The following SRRM1 variants were observed in gnomAD, a reference collection of about 807,000 sequenced individuals.
The protein encoded by SRRM1 is serine and arginine repetitive matrix 1, also known as serine/arginine repetitive matrix protein 1.
In SRRM1, 19 loss-of-function variants were observed where a neutral mutation model predicts 110.2. That is an observed-to-expected ratio of 0.17 (90% CI 0.12 to 0.25). The LOEUF is 0.25. Ranked by LOEUF, SRRM1 falls within the 10% of genes least tolerant of loss-of-function variation. The pLI is 1.00. For synonymous variants in SRRM1, 443 were observed against 414.9 expected, an observed-to-expected ratio of 1.07 and a Z score of -0.82; for missense variants, 918 against 1,145.8, an observed-to-expected ratio of 0.80 and a Z score of 2.87.
Position 24,655,264 on chromosome 1 carries a change from C to T in SRRM1, c.1315+135C>T, listed in dbSNP as rs181960053. On this transcript the variant is annotated intron_variant, in intron 9 of 16. Transcript: ENST00000323848. ...GTATCTAATACTCTCTGTAGGTTTA[C>T]TTATAAGCCTACCTCTTTCCTGCTT... 2.7e-4 allele frequency: 278 copies of T among 1,044,218 alleles called. 1 individual carries two copies. In the African/African-American group the frequency reaches 3.9e-3, roughly 14 times the overall value. 64.7% of individuals were successfully genotyped at this position (1,044,218 alleles called of 1,614,324 possible). A position where few individuals can be genotyped will look rare whatever the true frequency, so the allele number is the denominator to read the frequency against.
At chr1:24,663,245 TA>T in intron 12 of SRRM1, 1 of 1,484,650 alleles carries the variant, frequency 6.7e-7, no homozygotes, top group Non-Finnish European at 9.1e-7. Flanking sequence ...CACTACTTTG[TA>T]AATTAGGGTT....
intron 5 of SRRM1, 59 bp from the exon 6 acceptor site, chr1:24,651,350 G>C: frequency 7.2e-7 from 1 of 1,385,020 alleles, no homozygotes; most frequent in Non-Finnish European, 1.0e-6. Flanking sequence ...TTCTCCCTTT[G>C]ACTCCTCTCT....
intron 8 of SRRM1, 29 bp downstream of exon 8, chr1:24,653,061 A>ACC: frequency 6.2e-7 from 1 of 1,601,064 alleles, no homozygotes; most frequent in Non-Finnish European, 8.5e-7. Context: ...GGAAGTGTCA[A>ACC]GTGTTTGACA....
intron 1 of SRRM1, among the ~76,000 whole-genome samples, chr1:24,645,468 G>A (rs142058216): frequency 6.6e-6 from 1 of 152,268 alleles, no homozygotes; most frequent in African/African-American, 2.4e-5. Context: ...AGTTTATTTA[G>A]GTAACCCTGT....
chr1:24,669,002 C>A, intron 13 of SRRM1, 121 bp from the exon 14 acceptor site: 2 of 753,294 alleles, frequency 2.7e-6, no homozygotes, highest in Non-Finnish European at 4.3e-6. Flanking sequence ...AGCATGTTCA[C>A]TTATAAATAT....
intron 4 of SRRM1, 23 bp downstream of exon 4, chr1:24,649,052 A>G (rs2148250923): frequency 2.5e-6 from 4 of 1,606,026 alleles, no homozygotes; most frequent in Non-Finnish European, 3.4e-6. Flanking sequence ...TCTTTTCTGT[A>G]ATGTCGATTT....
Position 24,652,513 on chromosome 1 carries a change from AAGG to A in SRRM1, c.808_810del (p.Glu270del), listed in dbSNP as rs1422245466. The A allele has an allele frequency of 6.2e-6, 10 of 1,613,096 alleles. No individual in the cohort carries two copies. The highest frequency in any genetic ancestry group is 1.7e-5 in the Admixed American group (1 of 59,928). Reference sequence around the variant, plus strand: ...TCCGGAAAAAAATTCCAAAAAAGAAAAGGAGAAGGAGAAGACCCGACCACGATC... The same window carrying A: ...TCCGGAAAAAAATTCCAAAAAAGAAAAGAAGGAGAAGACCCGACCACGATC... On this transcript the variant is annotated inframe_deletion, in exon 7 of 17. Transcript: ENST00000323848.
At position 24,670,271 on chromosome 1, in the gene SRRM1, G is replaced by A; in HGVS notation, c.2356G>A (p.Val786Ile). Residue 786 changes from valine to isoleucine, a missense_variant, in exon 15 of 17, where the codon GTC becomes ATC. Val to Ile is a conservative substitution (Grantham distance 29). Coordinates refer to ENST00000323848, the MANE Select transcript of SRRM1 (RefSeq NM_005839.4). ...TACAAACTGGTCACCAGCTGTACCG[G>A]TCAAAAAGGCCAAAAGCCCAACACC... is the stretch of plus-strand genomic sequence containing the variant. ...PSTNWSPAVP[V>I]KKAKSPTPSP... is the part of the protein sequence containing the mutation. The A allele has an allele frequency of 6.2e-7, 1 of 1,613,736 alleles. No individual in the cohort carries two copies. Among genetic ancestry groups the A allele is most frequent in the Non-Finnish European group, 8.5e-7 (1 of 1,179,908 alleles).
chr1:24,658,629 A>G (rs1665543968), intron 9 of SRRM1, among the ~76,000 whole-genome samples: 1 of 152,192 alleles, frequency 6.6e-6, no homozygotes, highest in Admixed American at 6.5e-5. Context: ...AAGGTGTGGT[A>G]ACTTGGACAT....
chr1:24,654,045 C>T (rs1449460725), intron 8 of SRRM1, among the ~76,000 whole-genome samples: 1 of 152,208 alleles, frequency 6.6e-6, no homozygotes, highest in South Asian at 2.1e-4. Context: ...GTGTTGTGCT[C>T]ATAGAGGAAA....
chr1:24,658,563 G>C (rs1329410264), intron 9 of SRRM1, among the ~76,000 whole-genome samples: 2 of 152,044 alleles, frequency 1.3e-5, no homozygotes, highest in Non-Finnish European at 1.5e-5. Context: ...TGTTTCTTAG[G>C]GGAAAATGTA....
At chr1:24,665,668 G>A (rs529327256) in intron 12 of SRRM1, among the ~76,000 whole-genome samples, 31 of 152,292 alleles carry the variant, frequency 2.0e-4, no homozygotes, top group Middle Eastern at 6.8e-3. Flanking sequence ...AGCCCAGATC[G>A]TGCCAGTGCA....
intron 6 of SRRM1, among the ~76,000 whole-genome samples, chr1:24,652,059 T>TCC: frequency 7.5e-6 from 1 of 133,066 alleles, no homozygotes; most frequent in South Asian, 2.4e-4. Context: ...TATATATATA[T>TCC]ATATGTACAC....
At chr1:24,643,487 C>CG in intron 1 of SRRM1, 140 bp downstream of exon 1, 1 of 557,826 alleles carries the variant, frequency 1.8e-6, no homozygotes, top group Non-Finnish European at 2.6e-6. Flanking sequence ...GGCGCACCCC[C>CG]CCCCCCCCCG....
intron 13 of SRRM1, 89 bp from the exon 14 acceptor site, chr1:24,669,034 C>A: frequency 9.5e-7 from 1 of 1,056,534 alleles, no homozygotes; most frequent in Non-Finnish European, 1.4e-6. Context: ...CTAGTGCTAA[C>A]TACAGTATAG....
intron 16 of SRRM1, among the ~76,000 whole-genome samples, chr1:24,671,938 T>C (rs1672966902): frequency 1.3e-5 from 2 of 152,106 alleles, no homozygotes; most frequent in Admixed American, 6.6e-5. Context: ...ATTATTATTA[T>C]ACTTTAAGTT....
At chr1:24,671,740 T>C (rs1672826470) in intron 16 of SRRM1, 145 bp downstream of exon 16, 1 of 662,058 alleles carries the variant, frequency 1.5e-6, no homozygotes, top group Non-Finnish European at 2.5e-6. Context: ...AGTTCACCCA[T>C]TTAAAGTTTG....
At chr1:24,648,285 G>A (rs1298655970) in intron 3 of SRRM1, 1 of 152,236 alleles carries the variant, frequency 6.6e-6, no homozygotes, top group African/African-American at 2.4e-5. Flanking sequence ...GCACTTTGTG[G>A]ACAGTTGAGA....
At chr1:24,660,828 T>G (rs1452760218) in intron 10 of SRRM1, 29 bp downstream of exon 10, 1 of 1,504,572 alleles carries the variant, frequency 6.6e-7, no homozygotes, top group Non-Finnish European at 9.0e-7. Flanking sequence ...TTTGTGATTT[T>G]GGTTTGTTTG....
Sources: gnomAD v4.1 joint callset for allele counts (sites outside exome capture counted in the v4.1 genomes callset) on GRCh38, gnomAD v4.1.1 for gene constraint, MANE v1.5 for transcripts, NCBI Gene and HGNC (gene_info 2026-07-23, HGNC 2026-07-21) for gene names.